HYCC1: variants seen among roughly 807,000 people sequenced by gnomAD.
The protein encoded by HYCC1 is hyccin.
chr7:22,951,100 CA>C, the HYCC1 span, among the ~76,000 whole-genome samples: 5 of 151,548 alleles, frequency 3.3e-5, no homozygotes, highest in South Asian at 4.2e-4. Context: ...TAATTTTGCC[CA>C]AAAAAATTTC....
chr7:22,918,852 T>A, the HYCC1 span, among the ~76,000 whole-genome samples: 3 of 151,986 alleles, frequency 2.0e-5, no homozygotes, highest in African/African-American at 7.3e-5. Flanking sequence ...TCAGCCCACC[T>A]GCACCCAGGT....
chr7:22,968,274 G>T, the HYCC1 span, among the ~76,000 whole-genome samples: 1 of 152,096 alleles, frequency 6.6e-6, no homozygotes, highest in Non-Finnish European at 1.5e-5. Context: ...AAACTTCTAT[G>T]TCATACCCCT....
chr7:22,966,667 T>A, the HYCC1 span, among the ~76,000 whole-genome samples: 25 of 152,214 alleles, frequency 1.6e-4, no homozygotes, highest in Non-Finnish European at 3.4e-4. Context: ...CCGCACTGAC[T>A]ACCTAGAACT....
At chr7:22,961,382 A>G in the HYCC1 span, 1 of 936,078 alleles carries the variant, frequency 1.1e-6, no homozygotes, top group Non-Finnish European at 1.7e-6. Context: ...AACAAAATAC[A>G]ATGAGAAACT....
chr7:22,949,895 A>G, the HYCC1 span, among the ~76,000 whole-genome samples: 7 of 152,080 alleles, frequency 4.6e-5, no homozygotes, highest in African/African-American at 1.4e-4. Context: ...TCACTCAAAA[A>G]TGGTTAACAA....
the HYCC1 span, among the ~76,000 whole-genome samples, chr7:22,996,363 T>C: frequency 2.6e-5 from 4 of 151,474 alleles, no homozygotes; most frequent in Admixed American, 2.0e-4. Context: ...ATGCATTATG[T>C]AGGAAAGAGA....
At chr7:22,966,740 A>G in the HYCC1 span, among the ~76,000 whole-genome samples, 1 of 152,234 alleles carries the variant, frequency 6.6e-6, no homozygotes, top group Admixed American at 6.5e-5. Context: ...AGTATGCCAC[A>G]GACCATTTCA....
chr7:22,907,009 G>A, the HYCC1 span, among the ~76,000 whole-genome samples: 1 of 147,512 alleles, frequency 6.8e-6, no homozygotes, highest in South Asian at 2.1e-4. Context: ...GGAGGCTGAG[G>A]AAGGAGAATC....
the HYCC1 span, among the ~76,000 whole-genome samples, chr7:22,994,207 C>T: frequency 1.3e-3 from 204 of 152,158 alleles, no homozygotes; most frequent in Non-Finnish European, 2.1e-3. Flanking sequence ...AGTAGTTGAA[C>T]GAATAAATTA....
the HYCC1 span, among the ~76,000 whole-genome samples, chr7:22,914,919 C>G: frequency 6.6e-6 from 1 of 152,332 alleles, no homozygotes; most frequent in East Asian, 1.9e-4. Flanking sequence ...CCCTCTCCCA[C>G]CTGCCCAAAA....
chr7:22,925,700 A>T, the HYCC1 span, among the ~76,000 whole-genome samples: 2 of 152,208 alleles, frequency 1.3e-5, no homozygotes, highest in Non-Finnish European at 2.9e-5. Context: ...TCAAATCTAC[A>T]TCTAATTGGT....
At chr7:22,992,400 T>C in the HYCC1 span, among the ~76,000 whole-genome samples, 4 of 152,100 alleles carry the variant, frequency 2.6e-5, no homozygotes, top group African/African-American at 7.2e-5. Flanking sequence ...ACCACATATA[T>C]GTACTGTATT....
chr7:22,913,957 A>C, the HYCC1 span, among the ~76,000 whole-genome samples: 2 of 151,820 alleles, frequency 1.3e-5, no homozygotes, highest in Non-Finnish European at 2.9e-5. Context: ...GGAACATCTC[A>C]CCAATTTCAA....
the HYCC1 span, among the ~76,000 whole-genome samples, chr7:22,917,177 C>G: frequency 6.6e-6 from 1 of 152,132 alleles, no homozygotes; most frequent in Non-Finnish European, 1.5e-5. Context: ...ATCGGTCACT[C>G]CCACTTACTC....
At chr7:22,948,426 T>TC in the HYCC1 span, among the ~76,000 whole-genome samples, 2 of 152,042 alleles carry the variant, frequency 1.3e-5, no homozygotes, top group Admixed American at 6.6e-5. Context: ...CACCTGAGCA[T>TC]CTTTAAAAAC....
the HYCC1 span, among the ~76,000 whole-genome samples, chr7:23,005,097 G>A: frequency 2.6e-5 from 4 of 152,264 alleles, no homozygotes; most frequent in Non-Finnish European, 4.4e-5. Context: ...AAGCCACGGC[G>A]CCCGGCCTCT....
chr7:23,012,991 G>T, the HYCC1 span, among the ~76,000 whole-genome samples: 3 of 152,190 alleles, frequency 2.0e-5, no homozygotes, highest in Non-Finnish European at 2.9e-5. Flanking sequence ...CCCCCTACCT[G>T]AAGAGCGCCG....
At chr7:22,905,386 A>AT in the HYCC1 span, among the ~76,000 whole-genome samples, 9,712 of 44,588 alleles carry the variant, frequency 0.22, 1,978 homozygotes, top group East Asian at 0.28. Flanking sequence ...CTAATTTTGT[A>AT]TTTTTTTTTT....
At chr7:22,922,463 T>G in the HYCC1 span, among the ~76,000 whole-genome samples, 1 of 152,242 alleles carries the variant, frequency 6.6e-6, no homozygotes, top group Non-Finnish European at 1.5e-5. Flanking sequence ...TTAGCATGGC[T>G]GGCAGGGAGC....
Sources: allele counts gnomAD v4.1 joint callset (sites outside exome capture counted in the v4.1 genomes callset), GRCh38; gene constraint gnomAD v4.1.1; transcripts MANE v1.5; gene names NCBI Gene and HGNC (gene_info 2026-07-23, HGNC 2026-07-21).